EGFLAM: variants seen among roughly 807,000 people sequenced by gnomAD.
EGFLAM encodes the protein EGF like, fibronectin type III and laminin G domains.
A neutral mutation model predicts 113.1 loss-of-function variants in EGFLAM; 79 were observed. That is an observed-to-expected ratio of 0.70 (90% CI 0.58 to 0.84). The LOEUF is 0.84. EGFLAM is among the 40% of genes least tolerant of loss of function. EGFLAM has a pLI of 0.00. For missense variants in EGFLAM, 1,265 were observed against 1,291.6 expected (o/e 0.98, Z 0.32); for synonymous variants, 504 against 487.6 (o/e 1.03, Z -0.44).
intron 11 of EGFLAM, among the ~76,000 whole-genome samples, chr5:38,417,599 C>T (rs1741693813): frequency 5.3e-5 from 8 of 151,436 alleles, no homozygotes; most frequent in Admixed American, 5.3e-4. Flanking sequence ...CAATGTTTCT[C>T]TCAGGATATA....
At chr5:38,402,749 G>A (rs1017790067) in intron 6 of EGFLAM, among the ~76,000 whole-genome samples, 2 of 152,192 alleles carry the variant, frequency 1.3e-5, no homozygotes, top group Non-Finnish European at 2.9e-5. Context: ...AAGAAGAGGA[G>A]ATGGAGTAGA....
intron 19 of EGFLAM, among the ~76,000 whole-genome samples, chr5:38,456,228 G>A (rs1743081458): frequency 6.6e-6 from 1 of 152,140 alleles, no homozygotes; most frequent in Non-Finnish European, 1.5e-5. Context: ...TCAGGGAAGG[G>A]ATTATTATCC....
chr5:38,316,892 G>C (rs1738608262), intron 1 of EGFLAM, among the ~76,000 whole-genome samples: 1 of 152,204 alleles, frequency 6.6e-6, no homozygotes, highest in African/African-American at 2.4e-5. Flanking sequence ...GATAGCAAGA[G>C]ACTTGCTGCT....
intron 11 of EGFLAM, among the ~76,000 whole-genome samples, chr5:38,417,484 C>T (rs2112159751): frequency 6.6e-6 from 1 of 151,752 alleles, no homozygotes; most frequent in Middle Eastern, 3.4e-3. Flanking sequence ...TGGGAAGTTT[C>T]CCTACCTCAC....
chr5:38,258,730 A>AC lies in EGFLAM; in HGVS notation c.-25_-24insC, dbSNP rs762885837. On this transcript the variant is annotated 5_prime_UTR_variant, in exon 1 of 22. Transcript: ENST00000322350. ...TTCCGTGTGCGCCCGGGACTTGGTG[A>AC]AACTTTGCAGGCGCCGGCTGCGAAA... 1 of 1,594,566 alleles carries AC rather than the reference A, an allele frequency of 6.3e-7. No homozygotes were observed. The highest frequency in any genetic ancestry group is 1.1e-5 in the South Asian group (1 of 88,760).
At chr5:38,455,955 G>T (rs968671444) in intron 19 of EGFLAM, among the ~76,000 whole-genome samples, 22 of 152,166 alleles carry the variant, frequency 1.4e-4, no homozygotes, top group African/African-American at 5.3e-4. Flanking sequence ...CTGAGATCTG[G>T]GTGTTCCGGA....
chr5:38,286,421 C>T (rs1003213958), intron 1 of EGFLAM: 2 of 152,218 alleles, frequency 1.3e-5, no homozygotes, highest in African/African-American at 4.8e-5. Context: ...AAATCTTTTA[C>T]ATCTTATAGT....
intron 13 of EGFLAM, 87 bp downstream of exon 13, chr5:38,425,179 A>ATTTG (rs1312084301): frequency 4.0e-6 from 6 of 1,514,550 alleles, no homozygotes; most frequent in Non-Finnish European, 5.3e-6. Context: ...TTCTTTGTTA[A>ATTTG]TTTGTTTGTT....
At chr5:38,285,211 C>T (rs1758126469) in intron 1 of EGFLAM, among the ~76,000 whole-genome samples, 1 of 152,168 alleles carries the variant, frequency 6.6e-6, no homozygotes, top group Non-Finnish European at 1.5e-5. Context: ...CAAACTGCAG[C>T]CCCAGTGCAT....
intron 20 of EGFLAM, among the ~76,000 whole-genome samples, chr5:38,462,297 T>C (rs1382678074): frequency 2.6e-5 from 4 of 152,202 alleles, no homozygotes; most frequent in Admixed American, 2.0e-4. Context: ...TGGCTTCCCA[T>C]GCCTCGCCAC....
intron 6 of EGFLAM, among the ~76,000 whole-genome samples, chr5:38,373,675 T>C (rs1474671595): frequency 1.3e-5 from 2 of 152,220 alleles, no homozygotes; most frequent in Non-Finnish European, 2.9e-5. Context: ...GATAGATACT[T>C]AGGTTGATTC....
At chr5:38,359,249 A>G (rs907668473) in intron 5 of EGFLAM, among the ~76,000 whole-genome samples, 2 of 152,178 alleles carry the variant, frequency 1.3e-5, no homozygotes, top group Admixed American at 1.3e-4. Context: ...ATAAACATGA[A>G]AAATAGTTTT....
chr5:38,458,120 A>T (rs1253679914), intron 19 of EGFLAM, among the ~76,000 whole-genome samples, 191 bp from the exon 20 acceptor site: 1 of 152,182 alleles, frequency 6.6e-6, no homozygotes, highest in Non-Finnish European at 1.5e-5. Context: ...ATAATTTAAA[A>T]GTTTAATAAT....
intron 12 of EGFLAM, among the ~76,000 whole-genome samples, chr5:38,422,006 T>A (rs1258789490): frequency 6.6e-6 from 1 of 151,820 alleles, no homozygotes; most frequent in Non-Finnish European, 1.5e-5. Flanking sequence ...GTGATCCAGG[T>A]GGTGGTGGTG....
In EGFLAM at chr5:38,358,950, CT is replaced by C. The variant is rs560212412; in HGVS notation, c.545+6623del. On this transcript the variant is annotated intron_variant, in intron 5 of 21. Coordinates refer to ENST00000322350, the MANE Select transcript of EGFLAM (RefSeq NM_152403.4). ...GTGTTTGAGGTGAGGGAGAATATTT[CT>C]TTTCTAAAGTGACACTAAAAATTTC... Among the ~76,000 whole-genome samples, 13 of 152,208 alleles carry C rather than the reference CT, an allele frequency of 8.5e-5. No individual in the cohort carries two copies. In the South Asian group the frequency reaches 2.7e-3, roughly 32 times the overall value.
At chr5:38,347,051 G>A (rs930766295) in intron 3 of EGFLAM, among the ~76,000 whole-genome samples, 1 of 152,170 alleles carries the variant, frequency 6.6e-6, no homozygotes, top group African/African-American at 2.4e-5. Context: ...AATGGGATGA[G>A]GGAACAGGTC....
At chr5:38,446,045 C>T (rs1215230647) in intron 17 of EGFLAM, among the ~76,000 whole-genome samples, 1 of 152,186 alleles carries the variant, frequency 6.6e-6, no homozygotes, top group Non-Finnish European at 1.5e-5. Flanking sequence ...GGCGGTACCT[C>T]TCCCCCGTGG....
At chr5:38,448,671 A>T (rs1011916778) in intron 18 of EGFLAM, among the ~76,000 whole-genome samples, 2 of 152,196 alleles carry the variant, frequency 1.3e-5, no homozygotes, top group Non-Finnish European at 2.9e-5. Flanking sequence ...CTGGTCCCAG[A>T]GTTTCCAGTA....
intron 6 of EGFLAM, among the ~76,000 whole-genome samples, chr5:38,378,483 G>T (rs1740423923): frequency 1.3e-5 from 2 of 152,218 alleles, no homozygotes; most frequent in Admixed American, 1.3e-4. Context: ...GGCTGCAGCA[G>T]TGAGCAGAGA....
Sources: gnomAD v4.1 joint callset for allele counts (sites outside exome capture counted in the v4.1 genomes callset) on GRCh38, gnomAD v4.1.1 for gene constraint, MANE v1.5 for transcripts, NCBI Gene and HGNC (gene_info 2026-07-23, HGNC 2026-07-21) for gene names.